Variants in KCNT2 observed in about 807,000 individuals in gnomAD.
KCNT2 encodes the protein potassium channel subfamily T member 2.
In KCNT2, 67 loss-of-function variants were observed where a neutral mutation model predicts 153.8. That is an observed-to-expected ratio of 0.44 (90% CI 0.36 to 0.53). The LOEUF (loss-of-function observed/expected upper bound fraction) is 0.53, where lower values mean the gene tolerates loss of function less well. KCNT2 is among the 20% of genes least tolerant of loss of function. The pLI is 0.00. For synonymous variants in KCNT2, 500 were observed against 458.8 expected (o/e 1.09, Z -1.15); for missense variants, 975 against 1,354.8 (o/e 0.72, Z 4.40).
chr1:196,493,186 T>C (rs1275710304), intron 1 of KCNT2, among the ~76,000 whole-genome samples: 1 of 152,188 alleles, frequency 6.6e-6, no homozygotes, highest in Non-Finnish European at 1.5e-5. Context: ...GTCTCAAATA[T>C]ATTCATTATG....
intron 14 of KCNT2, among the ~76,000 whole-genome samples, chr1:196,349,165 A>G (rs1666401776): frequency 6.6e-6 from 1 of 152,162 alleles, no homozygotes; most frequent in African/African-American, 2.4e-5. Context: ...TTAAAAGGAA[A>G]GGATATTGGA....
intron 5 of KCNT2, among the ~76,000 whole-genome samples, chr1:196,474,160 C>T (rs1385386627): frequency 2.0e-5 from 3 of 152,002 alleles, no homozygotes; most frequent in African/African-American, 7.2e-5. Flanking sequence ...TTCTAAAATG[C>T]ATCGCACTTT....
chr1:196,344,378 T>C (rs369031092), intron 14 of KCNT2, among the ~76,000 whole-genome samples: 2 of 152,144 alleles, frequency 1.3e-5, no homozygotes, highest in East Asian at 3.9e-4. Context: ...TTTTTGGAAG[T>C]AGGAAAACAA....
chr1:196,319,616 G>T, intron 19 of KCNT2, 61 bp from the exon 20 acceptor site: 3 of 1,074,488 alleles, frequency 2.8e-6, no homozygotes, highest in South Asian at 2.9e-5. Flanking sequence ...GCACTTCTAG[G>T]GAAAGGAAGT....
chr1:196,497,704 C>A (rs1016047592), intron 1 of KCNT2, among the ~76,000 whole-genome samples: 6 of 152,004 alleles, frequency 3.9e-5, no homozygotes, highest in African/African-American at 1.4e-4. Context: ...TTAAAAAAAA[C>A]CTATATCGAA....
chr1:196,311,829 GA>G (rs1662212475), intron 21 of KCNT2, among the ~76,000 whole-genome samples: 2 of 151,690 alleles, frequency 1.3e-5, no homozygotes, highest in Admixed American at 1.3e-4. Context: ...AATAATGACA[GA>G]TGCCAGTGAC....
In KCNT2 at chr1:196,349,743, C is replaced by T. The variant is rs979442150; in HGVS notation, c.1404-7515G>A. Among the ~76,000 whole-genome samples the T allele has an allele frequency of 4.0e-5, 6 of 151,834 alleles. No individual in the cohort carries two copies. In the East Asian group the frequency reaches 9.7e-4, roughly 25 times the overall value. ...TTATTATACTTTAAGTTTTAGGGTA[C>T]ATGTGCACAATGTGCACGTTAGTTA... On this transcript the variant is annotated intron_variant, in intron 14 of 27. Coordinates refer to ENST00000294725, the MANE Select transcript of KCNT2 (RefSeq NM_198503.5).
At chr1:196,585,589 A>G (rs1662578437) in intron 1 of KCNT2, among the ~76,000 whole-genome samples, 1 of 140,978 alleles carries the variant, frequency 7.1e-6, no homozygotes, top group African/African-American at 2.5e-5. Flanking sequence ...GCCAAGAGGA[A>G]GCTAACTAAT....
intron 1 of KCNT2, among the ~76,000 whole-genome samples, chr1:196,515,170 G>A (rs1681947698): frequency 6.6e-6 from 1 of 152,200 alleles, no homozygotes; most frequent in Non-Finnish European, 1.5e-5. Flanking sequence ...CAGCATTTCT[G>A]TGATAAGGAT....
Position 196,285,715 on chromosome 1 carries a change from A to C in KCNT2, c.2639T>G (p.Leu880Arg). Reference sequence around the variant, plus strand: ...AAACACCCTCCCAGCAGCAAAAGGCAGTCGAAACATAAAGGCCAAGTTAGA... The same window carrying C: ...AAACACCCTCCCAGCAGCAAAAGGCCGTCGAAACATAAAGGCCAAGTTAGA... ...RGSNLAFMFR[L>R]PFAAGRVFSI... The change falls in exon 23 of 28, where the codon CTG becomes CGG. Residue 880 changes from leucine (L) to arginine (R), a missense_variant. Physicochemically the swap from Leu to Arg is moderately radical, Grantham distance 102. Transcript: ENST00000294725. 6.2e-7 allele frequency: 1 copy of C among 1,613,668 alleles called. No individual in the cohort carries two copies. Among genetic ancestry groups the C allele is most frequent in the Non-Finnish European group, 8.5e-7 (1 of 1,179,610 alleles).
chr1:196,436,162 G>C (rs893915877), intron 8 of KCNT2, among the ~76,000 whole-genome samples: 4 of 151,090 alleles, frequency 2.6e-5, no homozygotes, highest in African/African-American at 9.8e-5. Flanking sequence ...ACCCATTATA[G>C]AGTACCTATA....
chr1:196,603,494 T>A (rs987381558), intron 1 of KCNT2, among the ~76,000 whole-genome samples: 1 of 152,202 alleles, frequency 6.6e-6, no homozygotes, highest in Non-Finnish European at 1.5e-5. Flanking sequence ...TGTAAAGCAA[T>A]ATATTTTGCA....
chr1:196,569,675 A>C (rs981850114), intron 1 of KCNT2, among the ~76,000 whole-genome samples: 5 of 152,066 alleles, frequency 3.3e-5, no homozygotes, highest in Admixed American at 6.6e-5. Context: ...GCTAAAAAAA[A>C]CCCTCTGAAT....
At position 196,340,479 on chromosome 1, in the gene KCNT2, T is replaced by G. The variant is rs1463351946; in HGVS notation, c.1645A>C (p.Ile549Leu). The G allele has an allele frequency of 3.7e-6, 6 of 1,611,762 alleles. No individual in the cohort carries two copies. Among genetic ancestry groups the G allele is most frequent in the Non-Finnish European group, 5.1e-6 (6 of 1,178,332 alleles). ...TTGGTAATATTAATATAAAAGCATA[T>G]GTCTGTAGAATTCATAATGTATCGA... Reference protein sequence around the residue: ...GPRYIMNSTDICFYINITKEE... With the variant: ...GPRYIMNSTDLCFYINITKEE... Residue 549 changes from isoleucine to leucine, a missense_variant, in exon 16 of 28, where the codon ATA (isoleucine) becomes CTA (leucine). Coordinates refer to ENST00000294725, the MANE Select transcript of KCNT2 (RefSeq NM_198503.5).
intron 26 of KCNT2, among the ~76,000 whole-genome samples, chr1:196,247,500 T>C (rs1655560015): frequency 6.6e-6 from 1 of 152,178 alleles, no homozygotes; most frequent in African/African-American, 2.4e-5. Flanking sequence ...CGCCTGAGAC[T>C]GGGTAATGTA....
chr1:196,445,407 C>T (rs1353347661), intron 8 of KCNT2, among the ~76,000 whole-genome samples: 5 of 151,202 alleles, frequency 3.3e-5, no homozygotes, highest in Non-Finnish European at 7.4e-5. Flanking sequence ...AAATGAGGCA[C>T]AAAATAAGCT....
intron 13 of KCNT2, among the ~76,000 whole-genome samples, chr1:196,390,391 T>C (rs1164545413): frequency 2.0e-5 from 3 of 151,568 alleles, no homozygotes; most frequent in Non-Finnish European, 4.4e-5. Context: ...TATGAAAAAG[T>C]GAGAGTAGCA....
At chr1:196,537,241 C>A (rs1655705825) in intron 1 of KCNT2, among the ~76,000 whole-genome samples, 1 of 152,156 alleles carries the variant, frequency 6.6e-6, no homozygotes, top group South Asian at 2.1e-4. Context: ...ATTAACAAGA[C>A]CACAACATAC....
chr1:196,562,297 G>A (rs1470386057), intron 1 of KCNT2, among the ~76,000 whole-genome samples: 1 of 152,000 alleles, frequency 6.6e-6, no homozygotes, highest in African/African-American at 2.4e-5. Flanking sequence ...GTACCTTATT[G>A]CTACAAAAAG....
Sources: allele counts gnomAD v4.1 joint callset (sites outside exome capture counted in the v4.1 genomes callset), GRCh38; gene constraint gnomAD v4.1.1; transcripts MANE v1.5; gene names NCBI Gene and HGNC (gene_info 2026-07-23, HGNC 2026-07-21).